Variants in PHACTR1 observed in about 807,000 individuals in gnomAD.
PHACTR1 encodes phosphatase and actin regulator 1.
In PHACTR1, 16 loss-of-function variants were observed where a neutral mutation model predicts 69.2. The ratio of observed to expected loss-of-function variants is 0.23; its 90% CI spans 0.16 to 0.35. The LOEUF (loss-of-function observed/expected upper bound fraction) is 0.35, where lower values mean the gene tolerates loss of function less well. PHACTR1 is among the 10% of genes least tolerant of loss of function. The pLI is 1.00. For synonymous variants in PHACTR1, 312 were observed against 284.5 expected (o/e 1.10, Z -0.97); for missense variants, 510 against 734.7 (o/e 0.69, Z 3.54).
intron 6 of PHACTR1, among the ~76,000 whole-genome samples, chr6:13,174,482 C>G (rs1761051098): frequency 6.6e-6 from 1 of 152,152 alleles, no homozygotes; most frequent in Non-Finnish European, 1.5e-5. Flanking sequence ...GATTTTTGGT[C>G]TAAAATTGTC....
At chr6:13,231,949 CTT>C (rs991649823) in intron 10 of PHACTR1, among the ~76,000 whole-genome samples, 20 of 152,306 alleles carry the variant, frequency 1.3e-4, no homozygotes, top group African/African-American at 4.3e-4. Context: ...AATTCTCTCT[CTT>C]GAGCCCTTAC....
chr6:13,286,332 G>A, intron 14 of PHACTR1, 110 bp downstream of exon 14: 2 of 882,254 alleles, frequency 2.3e-6, no homozygotes, highest in East Asian at 5.9e-5. Flanking sequence ...GGTGCCATGA[G>A]AGGGAAGATA....
intron 4 of PHACTR1, among the ~76,000 whole-genome samples, chr6:12,937,138 G>A (rs976520363): frequency 4.6e-5 from 7 of 152,130 alleles, no homozygotes; most frequent in South Asian, 2.1e-4. Flanking sequence ...TGATCTAACC[G>A]ATTTCAGGTC....
chr6:13,219,483 G>T (rs1445455978), intron 8 of PHACTR1, among the ~76,000 whole-genome samples: 1 of 152,100 alleles, frequency 6.6e-6, no homozygotes, highest in Non-Finnish European at 1.5e-5. Flanking sequence ...TATTAAAGTG[G>T]CCACAACAGA....
intron 4 of PHACTR1, among the ~76,000 whole-genome samples, chr6:13,032,962 G>A (rs746370962): frequency 8.6e-5 from 13 of 152,026 alleles, no homozygotes; most frequent in Non-Finnish European, 1.6e-4. Context: ...AAAATTTCCC[G>A]TTAGAGGAAG....
intron 6 of PHACTR1, among the ~76,000 whole-genome samples, chr6:13,172,931 C>T (rs1424955499): frequency 6.6e-6 from 1 of 152,252 alleles, no homozygotes. Flanking sequence ...CAGAAAAGAA[C>T]ATCACGGCTC....
intron 4 of PHACTR1, among the ~76,000 whole-genome samples, chr6:13,042,153 A>G (rs1212768562): frequency 6.6e-6 from 1 of 152,238 alleles, no homozygotes; most frequent in Non-Finnish European, 1.5e-5. Context: ...AGAAAATAGT[A>G]CCATAGTCAT....
intron 4 of PHACTR1, among the ~76,000 whole-genome samples, chr6:12,926,213 T>C (rs1788254401): frequency 1.3e-5 from 2 of 152,226 alleles, no homozygotes; most frequent in African/African-American, 2.4e-5. Context: ...CTACCATTGA[T>C]GCCTTCATTC....
At chr6:13,236,648 G>A (rs1191777523) in intron 10 of PHACTR1, among the ~76,000 whole-genome samples, 1 of 152,052 alleles carries the variant, frequency 6.6e-6, no homozygotes, top group South Asian at 2.1e-4. Flanking sequence ...TTTCTATAAG[G>A]ACACCAGTTA....
In PHACTR1 at chr6:13,206,167, A is replaced by G. The variant is rs763572349; in HGVS notation, c.986+31A>G. 1.2e-4 allele frequency: 184 copies of G among 1,516,658 alleles called. 2 individuals are homozygous for G. The highest frequency in any genetic ancestry group is 2.7e-6 in the Non-Finnish European group (3 of 1,123,406). The allele number at this position is 1,516,658 out of a possible 1,614,324, so 94.0% of individuals were successfully genotyped here. ...GGTGGGCACCAGGAGGGAGGACGGG[A>G]GGAGAGGGGTTGGCTGGGGAGGGGG... On this transcript the variant is annotated intron_variant, in intron 8 of 14. Transcript: ENST00000332995.
At chr6:12,944,039 A>G (rs1167259371) in intron 4 of PHACTR1, among the ~76,000 whole-genome samples, 2 of 152,230 alleles carry the variant, frequency 1.3e-5, no homozygotes, top group African/African-American at 4.8e-5. Context: ...ATTAATTGGA[A>G]ACAATTGCAG....
intron 4 of PHACTR1, among the ~76,000 whole-genome samples, chr6:12,753,534 GT>G (rs1766873596): frequency 6.6e-6 from 1 of 152,230 alleles, no homozygotes; most frequent in Non-Finnish European, 1.5e-5. Context: ...TGAGAAAAAT[GT>G]GTCCTTTTCT....
chr6:12,719,309 C>T (rs373225532), intron 3 of PHACTR1, among the ~76,000 whole-genome samples: 1 of 152,154 alleles, frequency 6.6e-6, no homozygotes, highest in African/African-American at 2.4e-5. Context: ...ATTCAGTTAC[C>T]GCCTCAGATA....
intron 4 of PHACTR1, among the ~76,000 whole-genome samples, chr6:12,940,511 C>G (rs1230711532): frequency 5.9e-5 from 9 of 152,084 alleles, no homozygotes; most frequent in Non-Finnish European, 5.9e-5. Context: ...GATGTTTGCC[C>G]CAGAAGTCAG....
chr6:12,896,759 A>T (rs1416033119), intron 4 of PHACTR1, among the ~76,000 whole-genome samples: 2 of 152,164 alleles, frequency 1.3e-5, no homozygotes, highest in African/African-American at 4.8e-5. Flanking sequence ...GGTTCGTTAT[A>T]TGTATTTCTT....
intron 4 of PHACTR1, among the ~76,000 whole-genome samples, chr6:12,999,509 G>A (rs1282207482): frequency 6.6e-6 from 1 of 152,176 alleles, no homozygotes; most frequent in Non-Finnish European, 1.5e-5. Flanking sequence ...CTGAGACAGA[G>A]AATTTTTTGA....
intron 5 of PHACTR1, among the ~76,000 whole-genome samples, chr6:13,095,380 C>T (rs1384781989): frequency 6.6e-6 from 1 of 152,202 alleles, no homozygotes; most frequent in Non-Finnish European, 1.5e-5. Context: ...TGGCAGCCTG[C>T]ATCACCATCC....
chr6:13,134,289 A>C (rs1399181573), intron 5 of PHACTR1, among the ~76,000 whole-genome samples: 1 of 152,226 alleles, frequency 6.6e-6, no homozygotes, highest in Non-Finnish European at 1.5e-5. Flanking sequence ...CCGTCTGGGA[A>C]GTGTACCCAG....
At chr6:12,890,030 A>G (rs2127467354) in intron 4 of PHACTR1, among the ~76,000 whole-genome samples, 1 of 152,230 alleles carries the variant, frequency 6.6e-6, no homozygotes, top group South Asian at 2.1e-4. Context: ...ATGGCCTGTT[A>G]GGAAGTGGGT....
Sources: gnomAD v4.1 joint callset for allele counts (sites outside exome capture counted in the v4.1 genomes callset) on GRCh38, gnomAD v4.1.1 for gene constraint, MANE v1.5 for transcripts, NCBI Gene and HGNC (gene_info 2026-07-23, HGNC 2026-07-21) for gene names.